Variants in GLRA1 observed in about 807,000 individuals in gnomAD.
GLRA1 encodes glycine receptor subunit alpha-1.
Under a neutral mutation model 48.3 loss-of-function variants are expected in GLRA1, and 37 were observed. That is an observed-to-expected ratio of 0.77 (90% CI 0.59 to 1.01). The LOEUF is 1.01. Ranked by LOEUF, GLRA1 falls within the 50% of genes least tolerant of loss-of-function variation. GLRA1 has a pLI of 0.00. For synonymous variants in GLRA1, 196 were observed against 210.7 expected (o/e 0.93, Z 0.60); for missense variants, 427 against 571.0 (o/e 0.75, Z 2.57).
intron 1 of GLRA1, among the ~76,000 whole-genome samples, chr5:151,918,411 T>C (rs1246558049): frequency 6.6e-6 from 1 of 152,218 alleles, no homozygotes; most frequent in Non-Finnish European, 1.5e-5. Flanking sequence ...TGGTAGTTTT[T>C]TTCTGGCTCA....
At chr5:151,860,821 C>T (rs111712865) in intron 3 of GLRA1, among the ~76,000 whole-genome samples, 1 of 152,164 alleles carries the variant, frequency 6.6e-6, no homozygotes, top group Non-Finnish European at 1.5e-5. Context: ...TGGTGTGCTG[C>T]ACCCATTAAC....
At chr5:151,848,454 C>T (rs556803024) in intron 7 of GLRA1, among the ~76,000 whole-genome samples, 1 of 152,282 alleles carries the variant, frequency 6.6e-6, no homozygotes, top group African/African-American at 2.4e-5. Context: ...GCAATCTCCG[C>T]CTCTCGGGTT....
intron 7 of GLRA1, 108 bp from the exon 8 acceptor site, chr5:151,829,175 G>T: frequency 1.9e-6 from 2 of 1,046,984 alleles, no homozygotes; most frequent in Non-Finnish European, 2.9e-6. Context: ...ATCACCCACT[G>T]CTGTCTGCTT....
chr5:151,876,233 A>G (rs544103214), intron 3 of GLRA1, among the ~76,000 whole-genome samples: 98 of 152,116 alleles, frequency 6.4e-4, no homozygotes, highest in African/African-American at 2.2e-3. Flanking sequence ...TTTCTTTTCT[A>G]CTTGACTTTT....
At chr5:151,844,648 G>GA (rs1164559107) in intron 7 of GLRA1, among the ~76,000 whole-genome samples, 14 of 125,342 alleles carry the variant, frequency 1.1e-4, no homozygotes, top group East Asian at 2.3e-4. Context: ...AAAAGAAAAA[G>GA]AAAAAAAAAG....
chr5:151,913,555 A>C (rs1754666854), intron 1 of GLRA1, among the ~76,000 whole-genome samples: 1 of 152,212 alleles, frequency 6.6e-6, no homozygotes, highest in Non-Finnish European at 1.5e-5. Flanking sequence ...CATTTTCAAG[A>C]GAAGGGCAGC....
intron 1 of GLRA1, among the ~76,000 whole-genome samples, chr5:151,896,731 A>C (rs779130584): frequency 2.6e-5 from 4 of 152,208 alleles, no homozygotes; most frequent in Non-Finnish European, 2.9e-5. Context: ...AATTATTTTC[A>C]TTAAATTGTC....
intron 3 of GLRA1, among the ~76,000 whole-genome samples, chr5:151,863,514 G>A (rs1753255928): frequency 6.6e-6 from 1 of 152,072 alleles, no homozygotes; most frequent in Non-Finnish European, 1.5e-5. Context: ...CACAAGTAGA[G>A]TTTAGGGTAT....
intron 7 of GLRA1, chr5:151,849,982 G>T: frequency 6.3e-7 from 1 of 1,596,838 alleles, no homozygotes; most frequent in South Asian, 1.1e-5. Context: ...TGAAGTTTTC[G>T]AGTACAACCG....
At chr5:151,868,543 T>C (rs1753395142) in intron 3 of GLRA1, among the ~76,000 whole-genome samples, 1 of 152,190 alleles carries the variant, frequency 6.6e-6, no homozygotes, top group Non-Finnish European at 1.5e-5. Context: ...CCCAGGACGT[T>C]AATGTCAGAG....
At chr5:151,870,283 A>G (rs1753442536) in intron 3 of GLRA1, among the ~76,000 whole-genome samples, 1 of 149,464 alleles carries the variant, frequency 6.7e-6, no homozygotes, top group Non-Finnish European at 1.5e-5. Flanking sequence ...CAAAGGGTGC[A>G]AATGGAAGGA....
chr5:151,885,954 G>A (rs1038150539), intron 3 of GLRA1, among the ~76,000 whole-genome samples: 2 of 152,200 alleles, frequency 1.3e-5, no homozygotes, highest in African/African-American at 4.8e-5. Context: ...GATTAGGGGC[G>A]GGTGGATGTT....
intron 7 of GLRA1, 120 bp downstream of exon 7, chr5:151,851,270 G>A: frequency 1.4e-6 from 1 of 735,024 alleles, no homozygotes; most frequent in South Asian, 1.5e-5. Context: ...ATCCTGCAAA[G>A]TATAGTAGAT....
At chr5:151,862,032 A>C (rs1013748776) in intron 3 of GLRA1, among the ~76,000 whole-genome samples, 1 of 152,202 alleles carries the variant, frequency 6.6e-6, no homozygotes, top group African/African-American at 2.4e-5. Flanking sequence ...TTCAAACTAT[A>C]CTATAAGACG....
chr5:151,856,500 C>T (rs1247862125), intron 4 of GLRA1, 117 bp from the exon 5 acceptor site: 1 of 697,950 alleles, frequency 1.4e-6, no homozygotes, highest in Non-Finnish European at 2.7e-6. Flanking sequence ...GGTCAGGGAA[C>T]TTGTGTTTGT....
At position 151,919,257 on chromosome 5, in the gene GLRA1, A is replaced by AT. The variant is rs902003776; in HGVS notation, c.56+5236dup. On this transcript the variant is annotated intron_variant, in intron 1 of 8. Coordinates refer to ENST00000274576, the MANE Select transcript of GLRA1 (RefSeq NM_000171.4). Reference sequence around the variant, plus strand: ...AATGATGAATGGTATCTGGTAAACAATTTTTTTTGAAAAAACAAAAAACAA... The same window carrying AT: ...AATGATGAATGGTATCTGGTAAACAATTTTTTTTTGAAAAAACAAAAAACAA... 1.9e-3 allele frequency among the ~76,000 whole-genome samples: 292 copies of AT among 152,140 alleles called. 2 individuals carry two copies. The highest frequency in any genetic ancestry group is 6.5e-3 in the African/African-American group (268 of 41,526).
At chr5:151,895,242 GT>G (rs1471946425) in intron 1 of GLRA1, among the ~76,000 whole-genome samples, 1 of 152,140 alleles carries the variant, frequency 6.6e-6, no homozygotes, top group African/African-American at 2.4e-5. Flanking sequence ...GGCATTTTGT[GT>G]GTGTATATGT....
At chr5:151,889,831 C>T (rs1026040159) in intron 2 of GLRA1, among the ~76,000 whole-genome samples, 1 of 151,992 alleles carries the variant, frequency 6.6e-6, no homozygotes, top group African/African-American at 2.4e-5. Flanking sequence ...TTTTTCAGGC[C>T]TCAGTACAAA....
intron 3 of GLRA1, among the ~76,000 whole-genome samples, chr5:151,871,499 A>G (rs1415349081): frequency 1.1e-4 from 16 of 149,664 alleles, no homozygotes; most frequent in Admixed American, 9.9e-4. Context: ...GTAAAGATGT[A>G]CTTTATTCCC....
Sources: allele counts gnomAD v4.1 joint callset (sites outside exome capture counted in the v4.1 genomes callset), GRCh38; gene constraint gnomAD v4.1.1; transcripts MANE v1.5; gene names NCBI Gene and HGNC (gene_info 2026-07-23, HGNC 2026-07-21).